Variants in EDA observed in about 807,000 individuals in gnomAD.
EDA encodes the protein ectodysplasin-A.
In EDA, 2 loss-of-function variants were observed where a neutral mutation model predicts 23.6. The observed-to-expected ratio is 0.08, with a 90% CI of 0.03 to 0.27. The LOEUF (loss-of-function observed/expected upper bound fraction) is 0.27. EDA is among the 10% of genes least tolerant of loss of function. EDA has a pLI of 1.00. For missense variants in EDA, 229 were observed against 324.2 expected, an observed-to-expected ratio of 0.71 and a Z score of 2.26; for synonymous variants, 131 against 132.0, an observed-to-expected ratio of 0.99 and a Z score of 0.05.
intron 2 of EDA, chrX:69,957,591 C>T (rs1395629867): frequency 7.9e-6 from 1 of 126,888 alleles, no homozygotes; most frequent in Non-Finnish European, 1.6e-5. Context: ...GCCTAACCTA[C>T]CAATCAGTCC....
chrX:69,736,247 G>A (rs1247452866), intron 1 of EDA, among the ~76,000 whole-genome samples: 1 of 111,103 alleles, frequency 9.0e-6, no homozygotes, highest in Non-Finnish European at 1.9e-5. Context: ...GGAGGTTGCA[G>A]TGAGCCGAGA....
intron 1 of EDA, among the ~76,000 whole-genome samples, chrX:69,884,495 A>G (rs2017798738): frequency 8.9e-6 from 1 of 112,426 alleles, no homozygotes; most frequent in Non-Finnish European, 1.9e-5. Context: ...AATTTTTTAG[A>G]AACGAAGTAA....
chrX:69,729,158 T>C (rs1025107301), intron 1 of EDA: 4 of 111,127 alleles, frequency 3.6e-5, no homozygotes, highest in African/African-American at 1.3e-4. Context: ...TGTTTCTTTT[T>C]CACTGAGAAA....
At chrX:69,830,982 A>G (rs1303035995) in intron 1 of EDA, among the ~76,000 whole-genome samples, 1 of 111,702 alleles carries the variant, frequency 9.0e-6, no homozygotes, top group African/African-American at 3.3e-5. Flanking sequence ...TATTACACAT[A>G]TTAACATATT....
At chrX:69,865,665 A>G (rs2017474094) in intron 1 of EDA, among the ~76,000 whole-genome samples, 1 of 111,631 alleles carries the variant, frequency 9.0e-6, no homozygotes, top group African/African-American at 3.3e-5. Context: ...AATCCAATCA[A>G]GTTGACACTT....
At position 69,989,936 on chromosome X, in the gene EDA, C is replaced by CTTTTT. The variant is rs760347264; in HGVS notation, c.502+32818_502+32822dup. On this transcript the variant is annotated intron_variant, in intron 2 of 7. Transcript: ENST00000374552. ...GGGAGAGAGAAAGAGGTTAGGCTTTCTTTTTTTTTTTTTTTTTTCATTTTT... is the reference window on the plus strand; with the variant it reads ...GGGAGAGAGAAAGAGGTTAGGCTTTCTTTTTTTTTTTTTTTTTTTTTTTCATTTTT... 6.4e-3 allele frequency among the ~76,000 whole-genome samples: 452 copies of CTTTTT among 70,599 alleles called. 2 individuals are homozygous for CTTTTT. Among genetic ancestry groups the CTTTTT allele is most frequent in the African/African-American group, 0.022 (387 of 17,958 alleles). The allele number at this position is 70,599 out of a possible 115,157, so 61.3% of individuals were successfully genotyped here.
At chrX:69,725,543 A>G (rs1220127037) in intron 1 of EDA, among the ~76,000 whole-genome samples, 1 of 112,145 alleles carries the variant, frequency 8.9e-6, no homozygotes, top group Admixed American at 9.5e-5. Flanking sequence ...TAAGCAATGT[A>G]TTTTTTGCCA....
At chrX:69,616,840 C>A in intron 1 of EDA, 136 bp downstream of exon 1, 1 of 889,831 alleles carries the variant, frequency 1.1e-6, no homozygotes. Flanking sequence ...ACCAGGCGAG[C>A]AAGGGAGAAG....
chrX:69,856,722 TTG>T (rs1491079075), intron 1 of EDA, among the ~76,000 whole-genome samples: 2 of 105,073 alleles, frequency 1.9e-5, no homozygotes, highest in Non-Finnish European at 4.1e-5. Context: ...TTTTTTTTTT[TTG>T]GAGGGGGCTG....
chrX:69,994,463 A>G (rs750226228), intron 2 of EDA, among the ~76,000 whole-genome samples: 3 of 112,194 alleles, frequency 2.7e-5, no homozygotes, highest in Non-Finnish European at 3.8e-5. Context: ...TCTCAAATTC[A>G]TAAGAATCAC....
At position 69,990,032 on chromosome X, in the gene EDA, A is replaced by C. The variant is rs181277715; in HGVS notation, c.502+32900A>C. ...TTAAAAATATTTGTCATATAATTCT[A>C]TCATCTCTGTCATCTCACTGTTGGC... On this transcript the variant is annotated intron_variant, in intron 2 of 7. Coordinates refer to ENST00000374552, the MANE Select transcript of EDA (RefSeq NM_001399.5). Among the ~76,000 whole-genome samples, 20 of 102,876 alleles carry C rather than the reference A, an allele frequency of 1.9e-4. No homozygotes were observed. In the East Asian group the frequency reaches 6.0e-3, roughly 31 times the overall value. The allele number at this position is 102,876 out of a possible 115,157, so 89.3% of individuals were successfully genotyped here.
At chrX:69,884,917 A>G (rs1177944865) in intron 1 of EDA, among the ~76,000 whole-genome samples, 2 of 112,392 alleles carry the variant, frequency 1.8e-5, no homozygotes, top group Non-Finnish European at 3.8e-5. Flanking sequence ...AGTGGCTGCA[A>G]CATTTTACAT....
intron 1 of EDA, among the ~76,000 whole-genome samples, chrX:69,719,715 TACACACAC>T (rs35200750): frequency 9.7e-6 from 1 of 102,665 alleles, no homozygotes; most frequent in African/African-American, 3.5e-5. Flanking sequence ...TATTCCGTTA[TACACACAC>T]ACACACACAC....
At chrX:69,746,049 C>T (rs909021851) in intron 1 of EDA, among the ~76,000 whole-genome samples, 11 of 111,290 alleles carry the variant, frequency 9.9e-5, no homozygotes, top group African/African-American at 3.6e-4. Context: ...CTACTGCCTT[C>T]CTCTCTTCCC....
intron 1 of EDA, among the ~76,000 whole-genome samples, chrX:69,682,657 G>A (rs934714065): frequency 5.4e-5 from 6 of 111,977 alleles, no homozygotes; most frequent in Middle Eastern, 4.6e-3. Context: ...CCCGAGTGAG[G>A]CAATGCCTCG....
intron 1 of EDA, among the ~76,000 whole-genome samples, chrX:69,782,972 T>C (rs1265678199): frequency 8.9e-6 from 1 of 112,111 alleles, no homozygotes; most frequent in Non-Finnish European, 1.9e-5. Context: ...CTATTTTCTA[T>C]GGATCATTCA....
chrX:69,902,138 G>C (rs1206732269), intron 1 of EDA, among the ~76,000 whole-genome samples: 1 of 110,104 alleles, frequency 9.1e-6, no homozygotes, highest in Non-Finnish European at 1.9e-5. Context: ...ATTCAGAATT[G>C]TAATGTTATA....
intron 1 of EDA, among the ~76,000 whole-genome samples, chrX:69,645,218 C>G (rs766590509): frequency 2.7e-5 from 3 of 109,632 alleles, no homozygotes; most frequent in Non-Finnish European, 5.7e-5. Context: ...CAGCTGTGAA[C>G]CTGTGTGGTC....
At chrX:69,742,042 C>A (rs766653799) in intron 1 of EDA, among the ~76,000 whole-genome samples, 1 of 112,125 alleles carries the variant, frequency 8.9e-6, no homozygotes, top group Non-Finnish European at 1.9e-5. Context: ...TGCAGTTACA[C>A]CCCCTACTTT....
Sources: allele counts gnomAD v4.1 joint callset (sites outside exome capture counted in the v4.1 genomes callset), GRCh38; gene constraint gnomAD v4.1.1; transcripts MANE v1.5; gene names NCBI Gene and HGNC (gene_info 2026-07-23, HGNC 2026-07-21).